The following PCDHA13 variants were observed in gnomAD, a reference collection of about 807,000 sequenced individuals.
PCDHA13 encodes protocadherin alpha-13.
In PCDHA13, 54 loss-of-function variants were observed where a neutral mutation model predicts 64.8. The ratio of observed to expected loss-of-function variants is 0.83; its 90% CI spans 0.67 to 1.04. The LOEUF is 1.04. Among genes scored for constraint, PCDHA13 ranks in the 50% least tolerant of loss-of-function variants. The pLI, the probability that PCDHA13 is intolerant of heterozygous loss-of-function variation, is 0.00. For missense variants in PCDHA13, 1,248 were observed against 1,254.3 expected, an observed-to-expected ratio of 0.99 and a Z score of 0.08; for synonymous variants, 587 against 564.4, an observed-to-expected ratio of 1.04 and a Z score of -0.57.
chr5:140,999,890 T>C (rs2097882236), intron 3 of PCDHA13, among the ~76,000 whole-genome samples: 1 of 152,168 alleles, frequency 6.6e-6, no homozygotes, highest in South Asian at 2.1e-4. Context: ...CAGCTGTAGC[T>C]TGGGACACCA....
chr5:140,928,550 C>A (rs781857799), intron 1 of PCDHA13: 1 of 1,614,160 alleles, frequency 6.2e-7, no homozygotes, highest in South Asian at 1.1e-5. Flanking sequence ...GACAATTATC[C>A]GGTTATCTTG....
At chr5:140,956,788 G>T (rs2095310590) in intron 1 of PCDHA13, among the ~76,000 whole-genome samples, 1 of 152,094 alleles carries the variant, frequency 6.6e-6, no homozygotes, top group African/African-American at 2.4e-5. Flanking sequence ...GGCTTTGTTT[G>T]CTTGGTGGGC....
chr5:140,956,130 AC>A (rs1328169081), intron 1 of PCDHA13, among the ~76,000 whole-genome samples: 3 of 152,088 alleles, frequency 2.0e-5, no homozygotes. Context: ...CTATTTGAAT[AC>A]CCTTTATTTC....
In PCDHA13 at chr5:140,884,153, G is replaced by T; in HGVS notation, c.1885G>T (p.Gly629Cys). ...CCCGTTCCGCGTGGGGCTGTACACT[G>T]GCGAGATCAGCACGACGCGCCCTCT... The part of the protein sequence containing the change: ...RIPFRVGLYT[G>C]EISTTRPLDE... The change falls in exon 1 of 4, where the codon GGC becomes TGC. Residue 629 changes from glycine (G) to cysteine (C), a missense_variant. By Grantham distance (159) the Gly-to-Cys change is radical. Transcript: ENST00000289272. 1 of 1,613,470 alleles carries T rather than the reference G, an allele frequency of 6.2e-7. No homozygotes were observed. The highest frequency in any genetic ancestry group is 8.5e-7 in the Non-Finnish European group (1 of 1,179,756).
chr5:140,968,942 T>C (rs782129541), intron 1 of PCDHA13: 2 of 1,614,214 alleles, frequency 1.2e-6, no homozygotes, highest in South Asian at 2.2e-5. Context: ...AATCATCATT[T>C]TGAGCATCAT....
intron 3 of PCDHA13, among the ~76,000 whole-genome samples, chr5:140,989,709 C>T (rs2097355670): frequency 6.6e-6 from 1 of 152,160 alleles, no homozygotes; most frequent in South Asian, 2.1e-4. Flanking sequence ...TCTTCAGAGG[C>T]AGTCAGCTTT....
chr5:140,934,926 G>A lies in PCDHA13; in HGVS notation c.2395-44023G>A, dbSNP rs1054459840. Among the ~76,000 whole-genome samples, 3 of 152,116 alleles carry A rather than the reference G, an allele frequency of 2.0e-5. No homozygotes were observed. In the East Asian group the frequency reaches 5.8e-4, roughly 29 times the overall value. On this transcript the variant is annotated intron_variant, in intron 1 of 3. Transcript: ENST00000289272. ...TGGAATAATTATGGATTCACATAAA[G>A]TTACAAAACTAGTATAGAGAGATCC...
Position 140,884,467 on chromosome 5 carries a change from G to C in PCDHA13, c.2199G>C (p.Ala733=), listed in dbSNP as rs199814121. 11 of 1,613,778 alleles carry C rather than the reference G, an allele frequency of 6.8e-6. No homozygotes were observed. The South Asian group carries it at 8.8e-5, about 13-fold the overall frequency. The change falls in exon 1 of 4, where the codon GCG becomes GCC. Residue 733 remains alanine (A), a synonymous_variant. Transcript: ENST00000289272. ...CACCGCCCACCGAGGGCGCGTGCGC[G>C]CCGGGCAAGCCCACTCTAGTGTGCT... ...CSAPPTEGAC[A]PGKPTLVCSS... is the part of the protein sequence containing the mutation.
chr5:140,926,825 G>T (rs937740656), intron 1 of PCDHA13: 2 of 1,499,696 alleles, frequency 1.3e-6, no homozygotes, highest in Admixed American at 4.7e-5. Flanking sequence ...CTCTCCAGGA[G>T]TCCGGAGCAT....
intron 1 of PCDHA13, among the ~76,000 whole-genome samples, chr5:140,964,690 A>G (rs1554227180): frequency 2.6e-5 from 4 of 152,036 alleles, no homozygotes. Context: ...TGTGCACTTG[A>G]GAGATTAAGG....
intron 1 of PCDHA13, among the ~76,000 whole-genome samples, chr5:140,960,338 G>A (rs2095541394): frequency 6.6e-6 from 1 of 152,172 alleles, no homozygotes; most frequent in Admixed American, 6.5e-5. Context: ...AGTACATGAG[G>A]TGAGATATGT....
intron 1 of PCDHA13, chr5:140,929,631 A>G (rs1584645197): frequency 2.6e-6 from 1 of 386,808 alleles, no homozygotes; most frequent in Non-Finnish European, 4.7e-6. Flanking sequence ...TTTATAAGCA[A>G]CAGATGTGTA....
intron 1 of PCDHA13, among the ~76,000 whole-genome samples, chr5:140,915,001 AGT>A (rs1563002922): frequency 6.9e-6 from 1 of 144,988 alleles, no homozygotes; most frequent in Non-Finnish European, 1.5e-5. Flanking sequence ...GCTGGAGTGC[AGT>A]GGCCTGATCT....
rs1329189325 is a variant in PCDHA13, at chr5:141,010,310, G to C, written c.*373G>C. The C allele has an allele frequency of 6.5e-7, 1 of 1,547,658 alleles. No individual in the cohort carries two copies. The highest frequency in any genetic ancestry group is 8.7e-7 in the Non-Finnish European group (1 of 1,145,866). ...CTTGCAGGGCAGGCTGAAAAGTTTT[G>C]AGATTGAGCAGCTTGGGAGTTTGTG... On this transcript the variant is annotated 3_prime_UTR_variant, in exon 4 of 4. Coordinates refer to ENST00000289272, the MANE Select transcript of PCDHA13 (RefSeq NM_018904.3).
intron 1 of PCDHA13, among the ~76,000 whole-genome samples, chr5:140,942,875 C>A (rs1003014974): frequency 2.0e-5 from 3 of 151,896 alleles, no homozygotes; most frequent in African/African-American, 7.3e-5. Flanking sequence ...AGCATGACAA[C>A]TTTTTTCCTA....
intron 1 of PCDHA13, among the ~76,000 whole-genome samples, chr5:140,965,232 G>C (rs192008157): frequency 6.6e-5 from 10 of 152,194 alleles, no homozygotes; most frequent in Non-Finnish European, 1.0e-4. Context: ...GTGAGAACCT[G>C]GGAAGAGTGA....
At chr5:140,942,543 G>C (rs1272048967) in intron 1 of PCDHA13, among the ~76,000 whole-genome samples, 1 of 152,056 alleles carries the variant, frequency 6.6e-6, no homozygotes, top group Non-Finnish European at 1.5e-5. Flanking sequence ...GTATGGTGGG[G>C]GGTAGGGGGT....
At chr5:140,885,179 C>T (rs972760379) in intron 1 of PCDHA13, among the ~76,000 whole-genome samples, 37 of 152,232 alleles carry the variant, frequency 2.4e-4, no homozygotes, top group African/African-American at 8.9e-4. Flanking sequence ...CCTCTAGGCA[C>T]ATCAGTGTTC....
chr5:140,912,860 G>T (rs1554195574), intron 1 of PCDHA13, among the ~76,000 whole-genome samples: 1 of 152,182 alleles, frequency 6.6e-6, no homozygotes, highest in South Asian at 2.1e-4. Flanking sequence ...CAATTGAAAT[G>T]ATATATGGTT....
Sources: gnomAD v4.1 joint callset for allele counts (sites outside exome capture counted in the v4.1 genomes callset) on GRCh38, gnomAD v4.1.1 for gene constraint, MANE v1.5 for transcripts, NCBI Gene and HGNC (gene_info 2026-07-23, HGNC 2026-07-21) for gene names.